The following RAI1 variants were observed in gnomAD, a reference collection of about 807,000 sequenced individuals.
RAI1 encodes the protein retinoic acid-induced protein 1.
In RAI1, 9 loss-of-function variants were observed where a neutral mutation model predicts 123.8. The ratio of observed to expected loss-of-function variants is 0.07; its 90% CI spans 0.04 to 0.13. The LOEUF (loss-of-function observed/expected upper bound fraction) is 0.13, where lower values mean the gene tolerates loss of function less well. Ranked by LOEUF, RAI1 falls within the 10% of genes least tolerant of loss-of-function variation. The pLI is 1.00. For missense variants in RAI1, 2,256 were observed against 2,545.8 expected, an observed-to-expected ratio of 0.89 and a Z score of 2.45; for synonymous variants, 1,231 against 1,127.3, an observed-to-expected ratio of 1.09 and a Z score of -1.84.
chr17:17,749,357 ACCT>A lies in RAI1; in HGVS notation c.-17+25202_-17+25204del, dbSNP rs761489438. 2.0e-4 allele frequency among the ~76,000 whole-genome samples: 31 copies of A among 152,190 alleles called. 1 individual carries two copies. The highest frequency in any genetic ancestry group is 3.9e-4 in the Admixed American group (6 of 15,298). On this transcript the variant is annotated intron_variant, in intron 2 of 5. Transcript: ENST00000353383. Reference sequence around the variant, plus strand: ...CTGAGCCCCAGAGACAGCTCTGCTCACCTCCTAGCCGGCATCCTCCACGCACTG... The same window carrying A: ...CTGAGCCCCAGAGACAGCTCTGCTCACCTAGCCGGCATCCTCCACGCACTG...
At chr17:17,686,001 T>C (rs1422358035) in intron 1 of RAI1, among the ~76,000 whole-genome samples, 1 of 152,192 alleles carries the variant, frequency 6.6e-6, no homozygotes, top group Non-Finnish European at 1.5e-5. Context: ...ATGAGTCATC[T>C]CCCTTTGTCT....
At chr17:17,705,122 T>C (rs966720194) in intron 1 of RAI1, among the ~76,000 whole-genome samples, 1 of 152,196 alleles carries the variant, frequency 6.6e-6, no homozygotes, top group Non-Finnish European at 1.5e-5. Flanking sequence ...TACAGCAACA[T>C]GGCTAGCACA....
intron 1 of RAI1, among the ~76,000 whole-genome samples, chr17:17,686,642 A>G (rs1598010658): frequency 1.4e-5 from 2 of 145,566 alleles, no homozygotes; most frequent in Admixed American, 1.4e-4. Flanking sequence ...GAGATGGGGA[A>G]GAGAAAAACA....
intron 3 of RAI1, among the ~76,000 whole-genome samples, chr17:17,802,857 G>A (rs887151424): frequency 4.6e-5 from 7 of 152,118 alleles, no homozygotes; most frequent in African/African-American, 1.7e-4. Flanking sequence ...GCCTAGGCAG[G>A]CAGATCACCT....
intron 2 of RAI1, among the ~76,000 whole-genome samples, chr17:17,733,019 C>T (rs1400912819): frequency 6.6e-6 from 1 of 152,206 alleles, no homozygotes; most frequent in East Asian, 1.9e-4. Context: ...AAAATCAGGT[C>T]GGCATTGCAG....
intron 2 of RAI1, among the ~76,000 whole-genome samples, chr17:17,775,694 C>T (rs568617634): frequency 1.3e-5 from 2 of 151,808 alleles, no homozygotes; most frequent in Non-Finnish European, 2.9e-5. Flanking sequence ...TCATCCTCGC[C>T]GTCTTTGTAT....
intron 2 of RAI1, among the ~76,000 whole-genome samples, chr17:17,754,432 C>T (rs1314784348): frequency 1.3e-5 from 2 of 152,108 alleles, no homozygotes; most frequent in East Asian, 3.9e-4. Flanking sequence ...GACGGGGTTT[C>T]TCCATGTTGG....
chr17:17,809,295 C>A lies in RAI1; in HGVS notation c.5660-95C>A. On this transcript the variant is annotated intron_variant, in intron 4 of 5. Transcript: ENST00000353383. This position sits in a 1 kb window ranked among gnomAD's most constrained non-coding sequence, Gnocchi z 4.9. ...AGAGCCCCTGCAGTCTGGAGCCTCG[C>A]GGGCAGTGCGGCTCCCCTCCTGGCT... 3.8e-6 allele frequency: 4 copies of A among 1,059,518 alleles called. No homozygotes were observed. The highest frequency in any genetic ancestry group is 5.9e-6 in the Non-Finnish European group (4 of 676,474). The allele number at this position is 1,059,518 out of a possible 1,614,324, so 65.6% of individuals were successfully genotyped here.
intron 2 of RAI1, among the ~76,000 whole-genome samples, chr17:17,780,572 C>T (rs759666919): frequency 6.6e-6 from 1 of 152,158 alleles, no homozygotes; most frequent in Non-Finnish European, 1.5e-5. Context: ...TTTGGAATAC[C>T]CCCTTCTCTT....
chr17:17,710,803 C>T (rs1168229366), intron 1 of RAI1, among the ~76,000 whole-genome samples: 2 of 152,218 alleles, frequency 1.3e-5, no homozygotes, highest in South Asian at 4.1e-4. Context: ...TAGGTGGGGA[C>T]CTTTGGGGCC....
chr17:17,786,271 GCT>G (rs1364284985), intron 2 of RAI1, among the ~76,000 whole-genome samples: 1 of 152,222 alleles, frequency 6.6e-6, no homozygotes, highest in Non-Finnish European at 1.5e-5. Flanking sequence ...ACCCACATGT[GCT>G]CTGTGTCGCC....
chr17:17,696,769 C>T (rs1197001576), intron 1 of RAI1, among the ~76,000 whole-genome samples: 2 of 152,232 alleles, frequency 1.3e-5, no homozygotes, highest in Non-Finnish European at 2.9e-5. Context: ...ATGCTGAGAT[C>T]TGGGCTCCAA....
intron 2 of RAI1, among the ~76,000 whole-genome samples, chr17:17,742,607 T>C (rs746084910): frequency 6.6e-6 from 1 of 152,166 alleles, no homozygotes; most frequent in African/African-American, 2.4e-5. Flanking sequence ...TAACAAATAA[T>C]ATGCACTCGT....
At chr17:17,783,410 G>T (rs905588752) in intron 2 of RAI1, among the ~76,000 whole-genome samples, 1 of 152,128 alleles carries the variant, frequency 6.6e-6, no homozygotes. Flanking sequence ...GGGAAACAAG[G>T]CGGGGGCGGG....
At chr17:17,729,527 G>T (rs1226885170) in intron 2 of RAI1, among the ~76,000 whole-genome samples, 4 of 152,198 alleles carry the variant, frequency 2.6e-5, no homozygotes, top group South Asian at 4.1e-4. Flanking sequence ...AAGTGAGATC[G>T]CTGGCCACGA....
chr17:17,789,175 G>T (rs569448013), intron 2 of RAI1, among the ~76,000 whole-genome samples: 3 of 152,252 alleles, frequency 2.0e-5, no homozygotes, highest in Admixed American at 6.5e-5. Context: ...CAGGACAGGG[G>T]TGTCCACCCG....
At chr17:17,778,444 A>C (rs1394035657) in intron 2 of RAI1, 1 of 295,232 alleles carries the variant, frequency 3.4e-6, no homozygotes, top group African/African-American at 2.2e-5. Context: ...TTGCTGTTTA[A>C]TTTAGAGTAT....
intron 2 of RAI1, among the ~76,000 whole-genome samples, chr17:17,732,116 G>A (rs913588389): frequency 6.6e-6 from 1 of 152,020 alleles, no homozygotes. Flanking sequence ...GACCCTCCTT[G>A]CCAATGAAAG....
intron 2 of RAI1, among the ~76,000 whole-genome samples, chr17:17,756,472 C>T (rs548544768): frequency 1.1e-4 from 16 of 152,312 alleles, no homozygotes; most frequent in Admixed American, 4.6e-4. Context: ...GCTGGGATTA[C>T]AGGTGTGAGC....
Sources: gnomAD v4.1 joint callset for allele counts (sites outside exome capture counted in the v4.1 genomes callset) on GRCh38, gnomAD v4.1.1 for gene constraint, Gnocchi (gnomAD v3.1) non-coding constraint, MANE v1.5 for transcripts, NCBI Gene and HGNC (gene_info 2026-07-23, HGNC 2026-07-21) for gene names.